ACSS3: variants seen among roughly 807,000 people sequenced by gnomAD.
ACSS3 encodes the protein acyl-CoA synthetase short chain family member 3, also known as acyl-CoA synthetase short-chain family member 3, mitochondrial.
Under a neutral mutation model 84.2 loss-of-function variants are expected in ACSS3, and 64 were observed. The observed-to-expected ratio is 0.76, with a 90% confidence interval of 0.62 to 0.94. ACSS3 has a LOEUF of 0.94. Ranked by LOEUF, ACSS3 falls within the 40% of genes least tolerant of loss-of-function variation. The pLI, the probability that ACSS3 is intolerant of heterozygous loss-of-function variation, is 0.00. For missense variants in ACSS3, 815 were observed against 867.6 expected (o/e 0.94, Z 0.76); for synonymous variants, 317 against 310.1 (o/e 1.02, Z -0.23).
intron 2 of ACSS3, among the ~76,000 whole-genome samples, chr12:81,123,822 A>G (rs143917693): frequency 1.3e-5 from 2 of 152,316 alleles, no homozygotes; most frequent in Non-Finnish European, 2.9e-5. Flanking sequence ...GCTGCATAGT[A>G]TTCCATAGTG....
chr12:81,144,705 G>C (rs565877841), intron 5 of ACSS3, among the ~76,000 whole-genome samples: 22 of 152,208 alleles, frequency 1.4e-4, no homozygotes, highest in Non-Finnish European at 2.6e-4. Context: ...GCTACCTCAA[G>C]ACTTTAAGTC....
intron 11 of ACSS3, among the ~76,000 whole-genome samples, chr12:81,222,447 T>C (rs1240357690): frequency 6.6e-6 from 1 of 152,096 alleles, no homozygotes; most frequent in Non-Finnish European, 1.5e-5. Context: ...CAAGAATTTC[T>C]TTTTGAAACC....
chr12:81,228,874 T>G (rs1279743471), intron 11 of ACSS3, among the ~76,000 whole-genome samples: 1 of 151,750 alleles, frequency 6.6e-6, no homozygotes, highest in Non-Finnish European at 1.5e-5. Context: ...TGATTTGGGG[T>G]ACATAAAATG....
chr12:81,252,399 C>T (rs1002026059), intron 13 of ACSS3, among the ~76,000 whole-genome samples: 3 of 152,056 alleles, frequency 2.0e-5, no homozygotes, highest in South Asian at 4.2e-4. Flanking sequence ...ACACAGGAGT[C>T]ATTTAGCAAA....
At chr12:81,216,632 G>T (rs1326465233) in intron 9 of ACSS3, among the ~76,000 whole-genome samples, 1 of 152,070 alleles carries the variant, frequency 6.6e-6, no homozygotes, top group Non-Finnish European at 1.5e-5. Flanking sequence ...ATCCACAATT[G>T]CAAACGCTAG....
chr12:81,121,915 A>ATATTATTATTATTATTATTAT (rs10527532), intron 2 of ACSS3, among the ~76,000 whole-genome samples: 34 of 146,134 alleles, frequency 2.3e-4, no homozygotes, highest in East Asian at 8.1e-4. Flanking sequence ...AGAGTATGCT[A>ATATTATTATTATTATTATTAT]TATTATTATT....
intron 8 of ACSS3, among the ~76,000 whole-genome samples, chr12:81,186,765 T>C (rs2031281964): frequency 6.6e-6 from 1 of 151,898 alleles, no homozygotes; most frequent in African/African-American, 2.4e-5. Flanking sequence ...CTTGAGAATG[T>C]AGATTGTTAC....
At chr12:81,177,466 C>CA (rs35791153) in intron 8 of ACSS3, among the ~76,000 whole-genome samples, 46,697 of 151,786 alleles carry the variant, frequency 0.31, 8,777 homozygotes, top group Middle Eastern at 0.43. Flanking sequence ...AGTAAAGTTT[C>CA]AAGATCCAAA....
chr12:81,097,048 A>G (rs547016788), intron 1 of ACSS3, among the ~76,000 whole-genome samples: 2 of 152,354 alleles, frequency 1.3e-5, no homozygotes, highest in African/African-American at 4.8e-5. Context: ...TATGATGGCT[A>G]CTGTGGTGGA....
At chr12:81,147,115 A>C (rs1188392046) in intron 5 of ACSS3, among the ~76,000 whole-genome samples, 1 of 152,186 alleles carries the variant, frequency 6.6e-6, no homozygotes, top group African/African-American at 2.4e-5. Context: ...CTTAGCTCAC[A>C]GTTGTTCAGA....
At chr12:81,167,838 G>A (rs1433338850) in intron 7 of ACSS3, among the ~76,000 whole-genome samples, 1 of 152,158 alleles carries the variant, frequency 6.6e-6, no homozygotes, top group Non-Finnish European at 1.5e-5. Context: ...TGGAGCTTTA[G>A]CCATGGAGAA....
chr12:81,221,000 G>A (rs2033086723), intron 11 of ACSS3, among the ~76,000 whole-genome samples: 1 of 151,964 alleles, frequency 6.6e-6, no homozygotes, highest in Non-Finnish European at 1.5e-5. Context: ...ATCTTATAAA[G>A]TTCCTGACTT....
chr12:81,235,334 A>C (rs1462594105), intron 13 of ACSS3, among the ~76,000 whole-genome samples: 1 of 151,198 alleles, frequency 6.6e-6, no homozygotes, highest in Non-Finnish European at 1.5e-5. Context: ...ATGTAGATCA[A>C]TATAATTGAT....
intron 5 of ACSS3, among the ~76,000 whole-genome samples, chr12:81,146,380 G>A (rs1006988055): frequency 1.3e-5 from 2 of 152,104 alleles, no homozygotes; most frequent in African/African-American, 2.4e-5. Context: ...AAACACACAT[G>A]CATTAATGGA....
intron 2 of ACSS3, among the ~76,000 whole-genome samples, chr12:81,115,548 G>T (rs182269104): frequency 6.6e-6 from 1 of 151,926 alleles, no homozygotes; most frequent in Non-Finnish European, 1.5e-5. Context: ...CAATCCTCCC[G>T]TCTCAGCCTC....
intron 5 of ACSS3, among the ~76,000 whole-genome samples, chr12:81,145,401 G>GTA (rs1448717944): frequency 6.6e-6 from 1 of 152,120 alleles, no homozygotes; most frequent in African/African-American, 2.4e-5. Context: ...TCAATATAAT[G>GTA]TATTTGTATT....
At chr12:81,213,719 TCCG>T (rs1465689199) in intron 9 of ACSS3, among the ~76,000 whole-genome samples, 9 of 89,598 alleles carry the variant, frequency 1.0e-4, no homozygotes, top group African/African-American at 3.6e-4. Flanking sequence ...TCCGCTCCCC[TCCG>T]CTCCCCTCCG....
At position 81,083,709 on chromosome 12, in the gene ACSS3, C is replaced by T. The variant is rs113930636; in HGVS notation, c.311+5278C>T. Among the ~76,000 whole-genome samples, 961 of 152,106 alleles carry T rather than the reference C, an allele frequency of 6.3e-3. 7 individuals carry two copies. The highest frequency in any genetic ancestry group is 0.018 in the African/African-American group (734 of 41,534). The stretch of plus-strand genomic sequence containing the variant: ...AAAATGGGCAGGGCGCAGCAGCTCA[C>T]GCATGTAATCTCAGCACTTTGGGAG... On this transcript the variant is annotated intron_variant, in intron 1 of 15. Transcript: ENST00000548058.
chr12:81,156,694 G>A (rs1329515478), intron 7 of ACSS3, among the ~76,000 whole-genome samples: 2 of 152,082 alleles, frequency 1.3e-5, no homozygotes, highest in Non-Finnish European at 2.9e-5. Flanking sequence ...TGACAACTTA[G>A]ATGAAGATGA....
Sources: allele counts gnomAD v4.1 joint callset (sites outside exome capture counted in the v4.1 genomes callset), GRCh38; gene constraint gnomAD v4.1.1; transcripts MANE v1.5; gene names NCBI Gene and HGNC (gene_info 2026-07-23, HGNC 2026-07-21).